Variants in CFAP47 observed in about 807,000 individuals in gnomAD.
The protein encoded by CFAP47 is cilia- and flagella-associated protein 47.
Under a neutral mutation model 148.1 loss-of-function variants are expected in CFAP47, and 29 were observed. The observed-to-expected ratio is 0.20, with a 90% CI of 0.15 to 0.27. The LOEUF (loss-of-function observed/expected upper bound fraction) is 0.27. Among genes scored for constraint, CFAP47 ranks in the 10% least tolerant of loss-of-function variants. The pLI is 1.00. For synonymous variants in CFAP47, 664 were observed against 577.3 expected (o/e 1.15, Z -2.15); for missense variants, 1,872 against 1,697.5 (o/e 1.10, Z -1.81).
At chrX:36,144,308 A>G (rs1019691752) in intron 35 of CFAP47, among the ~76,000 whole-genome samples, 3 of 111,598 alleles carry the variant, frequency 2.7e-5, no homozygotes, top group African/African-American at 9.8e-5. Flanking sequence ...TCAGTGTTCT[A>G]CTTAGGACAC....
At chrX:36,326,053 T>C (rs1336399020) in intron 57 of CFAP47, among the ~76,000 whole-genome samples, 1 of 111,279 alleles carries the variant, frequency 9.0e-6, no homozygotes, top group Non-Finnish European at 1.9e-5. Flanking sequence ...TTCATTGATT[T>C]TTTGTGCTAT....
At chrX:36,183,420 G>A (rs1422245903) in intron 40 of CFAP47, among the ~76,000 whole-genome samples, 1 of 111,757 alleles carries the variant, frequency 8.9e-6, no homozygotes, top group African/African-American at 3.3e-5. Flanking sequence ...ATAAACTATT[G>A]TGCTAATCCA....
At position 36,260,945 on chromosome X, in the gene CFAP47, T is replaced by C. The variant is rs142089615; in HGVS notation, c.7444+9501T>C. On this transcript the variant is annotated intron_variant, in intron 49 of 63. Coordinates refer to ENST00000378653, the MANE Select transcript of CFAP47 (RefSeq NM_001304548.2). ...TATGGCTAGACAATTACCCCAGTACTATTTATTGAATAGGGAGTCCATTAC... is the reference window on the plus strand; with the variant it reads ...TATGGCTAGACAATTACCCCAGTACCATTTATTGAATAGGGAGTCCATTAC... Among the ~76,000 whole-genome samples, 636 of 111,119 alleles carry C rather than the reference T, an allele frequency of 5.7e-3. 8 individuals are homozygous for C. The highest frequency in any genetic ancestry group is 0.019 in the African/African-American group (586 of 30,509).
chrX:35,931,764 A>G (rs977600456), intron 2 of CFAP47, among the ~76,000 whole-genome samples: 10 of 111,508 alleles, frequency 9.0e-5, no homozygotes, highest in African/African-American at 3.3e-4. Flanking sequence ...TGGCATAAAC[A>G]TTTTGTCACT....
chrX:35,926,083 G>A lies in CFAP47; in HGVS notation c.316G>A (p.Glu106Lys). ...ASGLQMTAMV[E>K]YHPDKDEDTF... ...TGGCCTTCAGATGACAGCTATGGTG[G>A]AATATCATCCTGATAAAGACGAAGA... Residue 106 changes from glutamate to lysine, a missense_variant, in exon 2 of 64, where the codon GAA (glutamate) becomes AAA (lysine). By Grantham distance (56) the Glu-to-Lys change is moderately conservative. Transcript: ENST00000378653. The A allele has an allele frequency of 8.3e-7, 1 of 1,202,265 alleles. No homozygotes were observed. The highest frequency in any genetic ancestry group is 1.1e-6 in the Non-Finnish European group (1 of 887,237).
intron 52 of CFAP47, among the ~76,000 whole-genome samples, chrX:36,300,707 C>T (rs781809129): frequency 7.1e-5 from 8 of 112,217 alleles, no homozygotes; most frequent in African/African-American, 9.7e-5. Flanking sequence ...CATGAAAATG[C>T]ACATGCATTC....
Position 36,154,413 on chromosome X carries a change from A to T in CFAP47, c.5787-5013A>T, listed in dbSNP as rs189994932. Among the ~76,000 whole-genome samples, 590 of 111,793 alleles carry T rather than the reference A, an allele frequency of 5.3e-3. 3 individuals carry two copies. The highest frequency in any genetic ancestry group is 7.8e-3 in the Non-Finnish European group (413 of 53,144). Reference sequence around the variant, plus strand: ...TCTGTTGTCTAGTAACTTGCTCCTTATTTCTGTCTGAGACCTCATCAGGAT... The same window carrying T: ...TCTGTTGTCTAGTAACTTGCTCCTTTTTTCTGTCTGAGACCTCATCAGGAT... On this transcript the variant is annotated intron_variant, in intron 37 of 63. Coordinates refer to ENST00000378653, the MANE Select transcript of CFAP47 (RefSeq NM_001304548.2).
chrX:36,170,447 C>G (rs1259594553), intron 39 of CFAP47, among the ~76,000 whole-genome samples: 7 of 109,877 alleles, frequency 6.4e-5, no homozygotes, highest in African/African-American at 1.0e-4. Flanking sequence ...TCCCTCCCTC[C>G]TCCCCCGACC....
rs148549567 is a variant in CFAP47, at chrX:36,207,041, G to A, written c.6817+1931G>A. On this transcript the variant is annotated intron_variant, in intron 45 of 63. Coordinates refer to ENST00000378653, the MANE Select transcript of CFAP47 (RefSeq NM_001304548.2). ...GATATTAGTAAACTTTCAAAAATAG[G>A]ATATTATAACTCAGGATAGTAACAA... 5.8e-3 allele frequency among the ~76,000 whole-genome samples: 650 copies of A among 111,542 alleles called. 7 individuals are homozygous for A. Among genetic ancestry groups the A allele is most frequent in the African/African-American group, 0.019 (595 of 30,771 alleles).
At chrX:36,103,604 T>C (rs1938418341) in intron 32 of CFAP47, among the ~76,000 whole-genome samples, 1 of 104,382 alleles carries the variant, frequency 9.6e-6, no homozygotes, top group South Asian at 4.3e-4. Flanking sequence ...TAAGGAGATA[T>C]GAGCAGGGTA....
At chrX:36,235,821 A>T (rs782364941) in intron 46 of CFAP47, 113 bp from the exon 47 acceptor site, 24 of 352,171 alleles carry the variant, frequency 6.8e-5, no homozygotes, top group African/African-American at 6.1e-4. Context: ...ATTCCTTGGA[A>T]ATACAATTAA....
chrX:35,989,406 A>G lies in CFAP47; in HGVS notation c.2801A>G (p.His934Arg). 8.3e-7 allele frequency: 1 copy of G among 1,210,488 alleles called. No homozygotes were observed. ...SSPEEGEFIL[H>R]VFQGNALKLK... is the part of the protein sequence containing the mutation. Reference sequence around the variant, plus strand: ...CCAGAAGAAGGAGAATTTATTCTTCATGTCTTTCAAGGAAACGCGTTGAAG... The same window carrying G: ...CCAGAAGAAGGAGAATTTATTCTTCGTGTCTTTCAAGGAAACGCGTTGAAG... Residue 934 changes from histidine (H) to arginine (R), a missense_variant, in exon 16 of 64, where the codon CAT becomes CGT. His to Arg is a conservative substitution (Grantham distance 29). Coordinates refer to ENST00000378653, the MANE Select transcript of CFAP47 (RefSeq NM_001304548.2).
intron 39 of CFAP47, among the ~76,000 whole-genome samples, chrX:36,171,032 T>A (rs2146857650): frequency 9.0e-6 from 1 of 111,377 alleles, no homozygotes; most frequent in African/African-American, 3.3e-5. Context: ...TTGATTTGCA[T>A]TTCTCTGATG....
intron 42 of CFAP47, among the ~76,000 whole-genome samples, chrX:36,195,756 G>A (rs1412679438): frequency 9.0e-6 from 1 of 111,427 alleles, no homozygotes; most frequent in African/African-American, 3.3e-5. Flanking sequence ...GACAGTTTGA[G>A]TGATGTTCGC....
At chrX:35,943,845 G>T (rs570247266) in intron 3 of CFAP47, among the ~76,000 whole-genome samples, 1 of 110,868 alleles carries the variant, frequency 9.0e-6, no homozygotes, top group Admixed American at 9.6e-5. Flanking sequence ...CACATGGTAG[G>T]TGTATATATT....
intron 39 of CFAP47, among the ~76,000 whole-genome samples, chrX:36,169,093 C>A (rs917033250): frequency 1.4e-4 from 15 of 110,728 alleles, no homozygotes; most frequent in African/African-American, 4.3e-4. Flanking sequence ...AATACATAAT[C>A]CTATTGTCTT....
chrX:36,090,364 G>C (rs980963842), intron 30 of CFAP47, among the ~76,000 whole-genome samples: 3 of 111,707 alleles, frequency 2.7e-5, no homozygotes, highest in African/African-American at 9.8e-5. Context: ...AGTCAATCCT[G>C]ATTGTATGCA....
intron 29 of CFAP47, among the ~76,000 whole-genome samples, chrX:36,082,503 G>A (rs950144784): frequency 7.2e-5 from 8 of 111,568 alleles, no homozygotes; most frequent in Admixed American, 3.8e-4. Context: ...TATAAACACC[G>A]CTGAGAAGAT....
At chrX:36,031,380 C>A (rs1156630732) in intron 23 of CFAP47, 33 bp downstream of exon 23, 1 of 281,053 alleles carries the variant, frequency 3.6e-6, no homozygotes, top group Non-Finnish European at 6.2e-6. Flanking sequence ...GTTTACAATT[C>A]TTTTCATGAT....
Sources: gnomAD v4.1 joint callset for allele counts (sites outside exome capture counted in the v4.1 genomes callset) on GRCh38, gnomAD v4.1.1 for gene constraint, MANE v1.5 for transcripts, NCBI Gene and HGNC (gene_info 2026-07-23, HGNC 2026-07-21) for gene names.